The following SEMA6D variants were observed in gnomAD, a reference collection of about 807,000 sequenced individuals.
SEMA6D encodes semaphorin 6D, also known as semaphorin-6D.
A neutral mutation model predicts 106.6 loss-of-function variants in SEMA6D; 35 were observed. The ratio of observed to expected loss-of-function variants is 0.33; its 90% confidence interval spans 0.25 to 0.44. The LOEUF (loss-of-function observed/expected upper bound fraction) is 0.44. SEMA6D is among the 20% of genes least tolerant of loss of function. The pLI, the probability that SEMA6D is intolerant of heterozygous loss-of-function variation, is 1.00. For synonymous variants in SEMA6D, 499 were observed against 487.7 expected (o/e 1.02, Z -0.31); for missense variants, 1,185 against 1,345.9 (o/e 0.88, Z 1.87).
At chr15:47,269,028 C>T (rs989202326) in intron 1 of SEMA6D, among the ~76,000 whole-genome samples, 1 of 152,082 alleles carries the variant, frequency 6.6e-6, no homozygotes, top group African/African-American at 2.4e-5. Flanking sequence ...ACATTTGGGG[C>T]ATACATTGAG....
chr15:47,416,910 T>C (rs1021491741), intron 2 of SEMA6D, among the ~76,000 whole-genome samples: 1 of 152,148 alleles, frequency 6.6e-6, no homozygotes, highest in East Asian at 1.9e-4. Context: ...ATAACTGCAA[T>C]GGTCCCATCT....
intron 1 of SEMA6D, among the ~76,000 whole-genome samples, chr15:47,223,403 C>T (rs999379700): frequency 2.6e-5 from 4 of 151,948 alleles, no homozygotes; most frequent in Non-Finnish European, 4.4e-5. Flanking sequence ...CTTGTTTTTC[C>T]GAAAGGTTTT....
intron 1 of SEMA6D, among the ~76,000 whole-genome samples, chr15:47,727,533 C>G (rs2146536686): frequency 6.6e-6 from 1 of 152,294 alleles, no homozygotes; most frequent in East Asian, 1.9e-4. Context: ...GCAGGCCACT[C>G]AGTAGTAGAT....
intron 3 of SEMA6D, among the ~76,000 whole-genome samples, chr15:47,522,712 T>A (rs998205454): frequency 5.9e-5 from 9 of 152,208 alleles, no homozygotes; most frequent in Admixed American, 5.2e-4. Context: ...GTGTGGTCTC[T>A]TTTGTTCACC....
intron 1 of SEMA6D, among the ~76,000 whole-genome samples, chr15:47,374,677 C>G (rs550718716): frequency 6.6e-5 from 10 of 152,282 alleles, no homozygotes; most frequent in African/African-American, 2.4e-4. Flanking sequence ...AGACCTTTTA[C>G]CATCTGTCCT....
chr15:47,252,360 G>A (rs373061654), intron 1 of SEMA6D, among the ~76,000 whole-genome samples: 27 of 152,148 alleles, frequency 1.8e-4, no homozygotes, highest in Non-Finnish European at 3.1e-4. Flanking sequence ...GGCAGTTAGC[G>A]TGTCCATCAC....
At chr15:47,588,461 T>G (rs1216734115) in intron 3 of SEMA6D, among the ~76,000 whole-genome samples, 1 of 152,136 alleles carries the variant, frequency 6.6e-6, no homozygotes, top group African/African-American at 2.4e-5. Context: ...GCTCCTGCCT[T>G]TCCTCTTTTG....
chr15:47,692,312 T>C (rs1044720717), intron 4 of SEMA6D, among the ~76,000 whole-genome samples: 8 of 152,124 alleles, frequency 5.3e-5, no homozygotes, highest in African/African-American at 1.9e-4. Context: ...AAAGTGTTAT[T>C]TATTCCACAG....
chr15:47,460,236 T>G (rs2042464325), intron 2 of SEMA6D, among the ~76,000 whole-genome samples: 1 of 152,056 alleles, frequency 6.6e-6, no homozygotes, highest in African/African-American at 2.4e-5. Flanking sequence ...CCCAGGGAGC[T>G]CAGTAAGAAG....
Position 47,760,292 on chromosome 15 carries a change from T to A in SEMA6D, c.110-12T>A. 6.3e-7 allele frequency: 1 copy of A among 1,598,956 alleles called. No homozygotes were observed. The highest frequency in any genetic ancestry group is 8.6e-7 in the Non-Finnish European group (1 of 1,166,676). On this transcript the variant is annotated splice_polypyrimidine_tract_variant and intron_variant, in intron 2 of 18. Coordinates refer to ENST00000536845, the MANE Select transcript of SEMA6D (RefSeq NM_001358351.3). Reference sequence around the variant, plus strand: ...AATCCTGAATGATGGTTTAGCCCATTTTTACTTGCAGATTCAAGGCAATAT... The same window carrying A: ...AATCCTGAATGATGGTTTAGCCCATATTTACTTGCAGATTCAAGGCAATAT...
At chr15:47,223,190 C>T (rs190530008) in intron 1 of SEMA6D, among the ~76,000 whole-genome samples, 20 of 150,970 alleles carry the variant, frequency 1.3e-4, no homozygotes, top group African/African-American at 4.6e-4. Flanking sequence ...AAAATCTTCA[C>T]AAGGATTGTG....
intron 1 of SEMA6D, among the ~76,000 whole-genome samples, chr15:47,211,156 C>G (rs1019752496): frequency 6.6e-6 from 1 of 152,090 alleles, no homozygotes; most frequent in African/African-American, 2.4e-5. Flanking sequence ...CATCATCTAT[C>G]TATACTCTCT....
At chr15:47,543,769 T>C (rs1221602700) in intron 3 of SEMA6D, among the ~76,000 whole-genome samples, 1 of 152,166 alleles carries the variant, frequency 6.6e-6, no homozygotes, top group Admixed American at 6.6e-5. Context: ...TGTTATTTCA[T>C]TCCCATGATT....
At chr15:47,483,441 A>G (rs1211717670) in intron 3 of SEMA6D, among the ~76,000 whole-genome samples, 1 of 152,158 alleles carries the variant, frequency 6.6e-6, no homozygotes, top group Non-Finnish European at 1.5e-5. Flanking sequence ...TTTCATGGAT[A>G]AATTTATGAA....
At chr15:47,304,576 G>C (rs375816669) in intron 1 of SEMA6D, among the ~76,000 whole-genome samples, 1 of 151,796 alleles carries the variant, frequency 6.6e-6, no homozygotes, top group East Asian at 1.9e-4. Flanking sequence ...AACTACTCCA[G>C]GTCTTGTCCG....
At chr15:47,764,369 C>A in intron 11 of SEMA6D, 64 bp downstream of exon 11, 1 of 1,557,798 alleles carries the variant, frequency 6.4e-7, no homozygotes. Flanking sequence ...GGAAGCATCC[C>A]TCCTCAGGGA....
intron 3 of SEMA6D, among the ~76,000 whole-genome samples, chr15:47,532,413 A>G (rs1305651402): frequency 6.6e-6 from 1 of 152,180 alleles, no homozygotes; most frequent in Non-Finnish European, 1.5e-5. Context: ...TTGCACCGTT[A>G]TTCATCTCTG....
At chr15:47,669,317 T>G (rs1254873127) in intron 4 of SEMA6D, among the ~76,000 whole-genome samples, 1 of 152,250 alleles carries the variant, frequency 6.6e-6, no homozygotes, top group East Asian at 1.9e-4. Flanking sequence ...ATGGAGTTGT[T>G]TATAAGTCTG....
At chr15:47,677,142 A>G (rs2078262350) in intron 4 of SEMA6D, among the ~76,000 whole-genome samples, 1 of 152,116 alleles carries the variant, frequency 6.6e-6, no homozygotes, top group Non-Finnish European at 1.5e-5. Flanking sequence ...CTGTGTGGCC[A>G]GGTTCCTAAC....
Sources: allele counts gnomAD v4.1 joint callset (sites outside exome capture counted in the v4.1 genomes callset), GRCh38; gene constraint gnomAD v4.1.1; transcripts MANE v1.5; gene names NCBI Gene and HGNC (gene_info 2026-07-23, HGNC 2026-07-21).